The following RASGRF2 variants were observed in gnomAD, a reference collection of about 807,000 sequenced individuals.
RASGRF2 encodes the protein Ras protein specific guanine nucleotide releasing factor 2, also known as ras-specific guanine nucleotide-releasing factor 2.
In RASGRF2, 76 loss-of-function variants were observed where a neutral mutation model predicts 151.0. The ratio of observed to expected loss-of-function variants is 0.50; its 90% CI spans 0.42 to 0.61. The LOEUF is 0.61. Ranked by LOEUF, RASGRF2 falls within the 20% of genes least tolerant of loss-of-function variation. The pLI, the probability that RASGRF2 is intolerant of heterozygous loss-of-function variation, is 0.00. For synonymous variants in RASGRF2, 504 were observed against 566.5 expected (o/e 0.89, Z 1.57); for missense variants, 1,148 against 1,564.6 (o/e 0.73, Z 4.49).
intron 1 of RASGRF2, among the ~76,000 whole-genome samples, chr5:81,036,925 A>G (rs1750518287): frequency 1.3e-5 from 2 of 152,244 alleles, no homozygotes; most frequent in African/African-American, 4.8e-5. Context: ...TAATAAAGAC[A>G]TACCTGAGAC....
At chr5:81,054,953 TTG>T in intron 2 of RASGRF2, among the ~76,000 whole-genome samples, 1 of 152,320 alleles carries the variant, frequency 6.6e-6, no homozygotes, top group Admixed American at 6.5e-5. Context: ...ATAGGAATGC[TTG>T]TGATTTTTGC....
At chr5:81,090,385 T>C (rs1223585264) in intron 9 of RASGRF2, among the ~76,000 whole-genome samples, 2 of 152,258 alleles carry the variant, frequency 1.3e-5, no homozygotes, top group Non-Finnish European at 2.9e-5. Flanking sequence ...GCTATAGCAA[T>C]GATCTGATGA....
At chr5:81,104,247 T>C (rs1384475839) in intron 12 of RASGRF2, among the ~76,000 whole-genome samples, 1 of 152,104 alleles carries the variant, frequency 6.6e-6, no homozygotes, top group Non-Finnish European at 1.5e-5. Context: ...TGTGGATGGC[T>C]CATTCTTTTA....
intron 17 of RASGRF2, among the ~76,000 whole-genome samples, chr5:81,168,762 T>C (rs1015993448): frequency 2.0e-5 from 3 of 152,230 alleles, no homozygotes; most frequent in African/African-American, 7.2e-5. Context: ...TCCGTCACTC[T>C]TGGAATGACT....
At chr5:81,149,409 T>C (rs1387374949) in intron 17 of RASGRF2, among the ~76,000 whole-genome samples, 1 of 151,986 alleles carries the variant, frequency 6.6e-6, no homozygotes, top group Non-Finnish European at 1.5e-5. Flanking sequence ...TTCTCACTTA[T>C]AAGTGGGAGC....
chr5:81,215,743 A>G lies in RASGRF2; in HGVS notation c.3355-133A>G, dbSNP rs919818148. 6.1e-6 allele frequency: 7 copies of G among 1,140,598 alleles called. No individual in the cohort carries two copies. In the African/African-American group the frequency reaches 9.7e-5, roughly 16 times the overall value. The allele number at this position is 1,140,598 out of a possible 1,614,324, so 70.7% of individuals were successfully genotyped here. A position where few individuals can be genotyped will look rare whatever the true frequency, so the allele number is the denominator to read the frequency against. On this transcript the variant is annotated intron_variant, in intron 23 of 26. Transcript: ENST00000265080. Reference sequence around the variant, plus strand: ...TGTCTCTACATCTTAGAATCCTATCACACAATGACCTTTATTCTGGCAAAG... The same window carrying G: ...TGTCTCTACATCTTAGAATCCTATCGCACAATGACCTTTATTCTGGCAAAG...
chr5:81,103,837 T>C (rs1056293262), intron 12 of RASGRF2, among the ~76,000 whole-genome samples: 5 of 152,178 alleles, frequency 3.3e-5, no homozygotes, highest in African/African-American at 9.6e-5. Flanking sequence ...ATATATGAGA[T>C]TGACTAAATA....
Position 80,961,021 on chromosome 5 carries a change from A to C in RASGRF2, c.283A>C (p.Lys95Gln), listed in dbSNP as rs1266543670. ...GQGGVRDALD[K>Q]QYYFTVLFGH... ...GGGAGGCGTCCGAGACGCGCTGGAC[A>C]AGCAGGTACCGCGCGCCTTCTCTCC... Residue 95 changes from lysine to glutamine, a missense_variant, in exon 1 of 27, where the codon AAG becomes CAG. By Grantham distance (53) the Lys-to-Gln change is moderately conservative. Coordinates refer to ENST00000265080, the MANE Select transcript of RASGRF2 (RefSeq NM_006909.3). 1.4e-6 allele frequency: 2 copies of C among 1,476,284 alleles called. No individual in the cohort carries two copies. Among genetic ancestry groups the C allele is most frequent in the Admixed American group, 2.3e-5 (1 of 42,580 alleles). 91.4% of individuals were successfully genotyped at this position (1,476,284 alleles called of 1,614,324 possible).
intron 17 of RASGRF2, among the ~76,000 whole-genome samples, chr5:81,166,333 G>A (rs116100437): frequency 0.044 from 6,697 of 151,920 alleles, 485 homozygotes; most frequent in African/African-American, 0.15. Flanking sequence ...ATTTACAGGC[G>A]CGTGCCACGA....
At chr5:81,093,772 C>G (rs1385872608) in intron 10 of RASGRF2, among the ~76,000 whole-genome samples, 1 of 152,082 alleles carries the variant, frequency 6.6e-6, no homozygotes, top group South Asian at 2.1e-4. Flanking sequence ...ATGCGCATGT[C>G]TTTGTGTCTG....
At chr5:81,195,749 C>G (rs1755250893) in intron 18 of RASGRF2, among the ~76,000 whole-genome samples, 1 of 152,114 alleles carries the variant, frequency 6.6e-6, no homozygotes, top group Admixed American at 6.5e-5. Context: ...CCCTAGTGAG[C>G]CCTGTGCACA....
chr5:81,206,581 A>G (rs1016796129), intron 19 of RASGRF2, among the ~76,000 whole-genome samples: 28 of 152,180 alleles, frequency 1.8e-4, no homozygotes, highest in Non-Finnish European at 3.7e-4. Flanking sequence ...ACTCACTGTG[A>G]CGGTGGTTGT....
At chr5:81,080,007 A>G in intron 5 of RASGRF2, 114 bp from the exon 6 acceptor site, 1 of 1,320,812 alleles carries the variant, frequency 7.6e-7, no homozygotes, top group Non-Finnish European at 9.9e-7. Flanking sequence ...TATAGTTTGG[A>G]GGCCCTATGG....
intron 25 of RASGRF2, among the ~76,000 whole-genome samples, chr5:81,219,319 G>C (rs1755809085): frequency 2.0e-5 from 3 of 152,024 alleles, no homozygotes; most frequent in Admixed American, 2.0e-4. Flanking sequence ...GAACTCAATT[G>C]ATCCACCCAC....
At chr5:81,220,298 T>C (rs1454278885) in intron 26 of RASGRF2, among the ~76,000 whole-genome samples, 1 of 152,208 alleles carries the variant, frequency 6.6e-6, no homozygotes. Context: ...ACTGTCTCCA[T>C]CCTAGTCACA....
At chr5:81,003,409 G>C (rs1749153315) in intron 1 of RASGRF2, among the ~76,000 whole-genome samples, 1 of 152,082 alleles carries the variant, frequency 6.6e-6, no homozygotes, top group Non-Finnish European at 1.5e-5. Flanking sequence ...ATTTTTAGTA[G>C]AGACAGGGTT....
intron 18 of RASGRF2, among the ~76,000 whole-genome samples, chr5:81,186,032 G>C (rs1340977274): frequency 6.6e-6 from 1 of 152,066 alleles, no homozygotes; most frequent in Non-Finnish European, 1.5e-5. Context: ...GGGTCCCTTG[G>C]GAGAGCAATT....
chr5:81,123,298 G>A (rs1753360880), intron 15 of RASGRF2, among the ~76,000 whole-genome samples: 1 of 152,016 alleles, frequency 6.6e-6, no homozygotes, highest in African/African-American at 2.4e-5. Flanking sequence ...TCTGATTTTT[G>A]ACCTGACAAA....
intron 1 of RASGRF2, among the ~76,000 whole-genome samples, chr5:80,965,037 C>T (rs79879238): frequency 0.017 from 2,594 of 152,092 alleles, 66 homozygotes; most frequent in African/African-American, 0.056. Context: ...ATCTCTTTCG[C>T]TCTGGAGGTT....
Sources: gnomAD v4.1 joint callset for allele counts (sites outside exome capture counted in the v4.1 genomes callset) on GRCh38, gnomAD v4.1.1 for gene constraint, MANE v1.5 for transcripts, NCBI Gene and HGNC (gene_info 2026-07-23, HGNC 2026-07-21) for gene names.